CENPP: variants seen among roughly 807,000 people sequenced by gnomAD.
CENPP encodes centromere protein P.
In CENPP, 24 loss-of-function variants were observed where a neutral mutation model predicts 35.6. That is an observed-to-expected ratio of 0.67 (90% CI 0.49 to 0.95). The LOEUF (loss-of-function observed/expected upper bound fraction) is 0.95. Among genes scored for constraint, CENPP ranks in the 40% least tolerant of loss-of-function variants. The pLI, the probability that CENPP is intolerant of heterozygous loss-of-function variation, is 0.00. For missense variants in CENPP, 332 were observed against 345.3 expected (o/e 0.96, Z 0.31); for synonymous variants, 120 against 125.5 (o/e 0.96, Z 0.29).
At chr9:92,479,746 G>A (rs745501182) in intron 5 of CENPP, among the ~76,000 whole-genome samples, 13 of 152,146 alleles carry the variant, frequency 8.5e-5, no homozygotes, top group Non-Finnish European at 1.8e-4. Flanking sequence ...GTGTATCCTG[G>A]TTGCTTGCAA....
intron 4 of CENPP, among the ~76,000 whole-genome samples, chr9:92,369,117 C>T (rs1166070798): frequency 5.3e-5 from 8 of 152,092 alleles, no homozygotes; most frequent in Non-Finnish European, 2.9e-5. Context: ...GTGAGGCTAA[C>T]AGATGAAGAG....
Position 92,473,677 on chromosome 9 carries a change from A to G in CENPP, c.564+93818A>G, listed in dbSNP as rs557995237. Among the ~76,000 whole-genome samples, 13 of 152,132 alleles carry G rather than the reference A, an allele frequency of 8.5e-5. 1 individual carries two copies. Among genetic ancestry groups the G allele is most frequent in the African/African-American group, 3.1e-4 (13 of 41,506 alleles). On this transcript the variant is annotated intron_variant, in intron 5 of 7. Coordinates refer to ENST00000375587, the MANE Select transcript of CENPP (RefSeq NM_001012267.3). ...AAGCTTAAGACCCATTTTTTTTCCTAGCCTATTTCATTAGACTTTACTAGT... is the reference window on the plus strand; with the variant it reads ...AAGCTTAAGACCCATTTTTTTTCCTGGCCTATTTCATTAGACTTTACTAGT...
At chr9:92,565,293 T>TAAAAAAAAAAAAAAAAAAAAAAAA (rs3078380) in intron 5 of CENPP, among the ~76,000 whole-genome samples, 2 of 33,162 alleles carry the variant, frequency 6.0e-5, no homozygotes, top group African/African-American at 1.4e-4. Flanking sequence ...GCTGATGAGC[T>TAAAAAAAAAAAAAAAAAAAAAAAA]AAAAAAAAAA....
At chr9:92,567,379 T>TA (rs1000558894) in intron 5 of CENPP, among the ~76,000 whole-genome samples, 2 of 90,456 alleles carry the variant, frequency 2.2e-5, no homozygotes, top group African/African-American at 1.1e-4. Flanking sequence ...GATAGATATA[T>TA]ATATATATAT....
chr9:92,459,909 A>T, intron 5 of CENPP: 1 of 680,592 alleles, frequency 1.5e-6, no homozygotes, highest in Non-Finnish European at 2.3e-6. Context: ...TACTTTATTT[A>T]ATAACCTACT....
intron 4 of CENPP, among the ~76,000 whole-genome samples, chr9:92,365,151 C>T (rs183185296): frequency 6.6e-6 from 1 of 151,980 alleles, no homozygotes; most frequent in East Asian, 1.9e-4. Context: ...AGGCAATAAA[C>T]AAAACAGATA....
rs113350430 is a variant in CENPP, at chr9:92,337,273, G to A, written c.290-268G>A. Reference sequence around the variant, plus strand: ...GTAGAGGTTGCAGCGAGTCGAGATCGCACCATTGCACTCCAGCTTGGGCAA... The same window carrying A: ...GTAGAGGTTGCAGCGAGTCGAGATCACACCATTGCACTCCAGCTTGGGCAA... On this transcript the variant is annotated intron_variant, in intron 2 of 7. Transcript: ENST00000375587. 7.2e-3 allele frequency among the ~76,000 whole-genome samples: 1,096 copies of A among 151,852 alleles called. 12 individuals are homozygous for A. The highest frequency in any genetic ancestry group is 0.024 in the African/African-American group (1,013 of 41,406).
chr9:92,393,853 G>A (rs938749382), intron 5 of CENPP, among the ~76,000 whole-genome samples: 1 of 152,016 alleles, frequency 6.6e-6, no homozygotes, highest in Non-Finnish European at 1.5e-5. Flanking sequence ...GTTGGCAGAG[G>A]TTTCTCATTT....
At chr9:92,420,076 T>C (rs566053729) in intron 5 of CENPP, among the ~76,000 whole-genome samples, 21 of 152,280 alleles carry the variant, frequency 1.4e-4, no homozygotes, top group Admixed American at 1.3e-3. Context: ...AGTGATACTT[T>C]CCTTCATTCT....
intron 5 of CENPP, chr9:92,522,506 C>A: frequency 7.1e-7 from 1 of 1,404,348 alleles, no homozygotes; most frequent in Non-Finnish European, 9.4e-7. Context: ...TCCCTCTCTC[C>A]TTCTCTTTCC....
intron 5 of CENPP, among the ~76,000 whole-genome samples, chr9:92,602,596 A>G (rs2131388305): frequency 6.6e-6 from 1 of 152,290 alleles, no homozygotes. Context: ...GGAAGGAGAG[A>G]CGCAGTTGGG....
intron 5 of CENPP, among the ~76,000 whole-genome samples, chr9:92,411,163 G>A (rs916308600): frequency 3.3e-5 from 5 of 151,912 alleles, no homozygotes; most frequent in Non-Finnish European, 7.4e-5. Flanking sequence ...TAGTAGAGAC[G>A]GGGTTTCACT....
At chr9:92,410,705 G>T (rs1219737263) in intron 5 of CENPP, among the ~76,000 whole-genome samples, 1 of 152,206 alleles carries the variant, frequency 6.6e-6, no homozygotes, top group East Asian at 1.9e-4. Flanking sequence ...AACAGTGTGA[G>T]CACCCAGGAG....
intron 5 of CENPP, among the ~76,000 whole-genome samples, chr9:92,435,667 G>C (rs1315162023): frequency 2.6e-5 from 4 of 152,184 alleles, no homozygotes; most frequent in African/African-American, 9.7e-5. Context: ...GAATCATACA[G>C]TATATAACCT....
intron 5 of CENPP, among the ~76,000 whole-genome samples, chr9:92,550,148 A>G (rs1277402340): frequency 6.6e-6 from 1 of 152,180 alleles, no homozygotes; most frequent in Non-Finnish European, 1.5e-5. Flanking sequence ...CTACAATCCT[A>G]GCACTTTGGG....
At chr9:92,591,452 GA>G (rs146366597) in intron 5 of CENPP, among the ~76,000 whole-genome samples, 3 of 149,896 alleles carry the variant, frequency 2.0e-5, no homozygotes, top group South Asian at 4.2e-4. Context: ...GACCTGCAGG[GA>G]AAAAAAAATC....
rs1198383158 is a variant in CENPP at position 92,427,378 on chromosome 9, G to T, written c.564+47519G>T. Among the ~76,000 whole-genome samples, 3 of 152,156 alleles carry T rather than the reference G, an allele frequency of 2.0e-5. No individual in the cohort carries two copies. In the East Asian group the frequency reaches 5.8e-4, roughly 29 times the overall value. On this transcript the variant is annotated intron_variant, in intron 5 of 7. Transcript: ENST00000375587. Reference sequence around the variant, plus strand: ...GGGTTTCACCATGTTGGCCAGCCTGGTCTTGAACTCCTGACCTCAGGTGAT... The same window carrying T: ...GGGTTTCACCATGTTGGCCAGCCTGTTCTTGAACTCCTGACCTCAGGTGAT...
intron 5 of CENPP, among the ~76,000 whole-genome samples, chr9:92,441,450 G>C (rs1588131624): frequency 6.6e-6 from 1 of 152,188 alleles, no homozygotes; most frequent in East Asian, 1.9e-4. Context: ...GAAATGTATA[G>C]GTTAAAAAAG....
rs530998747 is a variant in CENPP, at chr9:92,418,081, C to A, written c.564+38222C>A. On this transcript the variant is annotated intron_variant, in intron 5 of 7. Transcript: ENST00000375587. Reference sequence around the variant, plus strand: ...ATGAAGTGAGTTTTTTTTCTTTTTTCTTTTTCTTTTTCTTTTTATTTTTGA... The same window carrying A: ...ATGAAGTGAGTTTTTTTTCTTTTTTATTTTTCTTTTTCTTTTTATTTTTGA... 1.8e-3 allele frequency among the ~76,000 whole-genome samples: 269 copies of A among 150,096 alleles called. 2 individuals are homozygous for A. Among genetic ancestry groups the A allele is most frequent in the Middle Eastern group, 3.5e-3 (1 of 286 alleles).
Sources: gnomAD v4.1 joint callset for allele counts (sites outside exome capture counted in the v4.1 genomes callset) on GRCh38, gnomAD v4.1.1 for gene constraint, MANE v1.5 for transcripts, NCBI Gene and HGNC (gene_info 2026-07-23, HGNC 2026-07-21) for gene names.